The following FARS2 variants were observed in gnomAD, a reference collection of about 807,000 sequenced individuals.
FARS2 encodes phenylalanyl-tRNA synthetase 2, mitochondrial.
In FARS2, 40 loss-of-function variants were observed where a neutral mutation model predicts 46.4. The observed-to-expected ratio is 0.86, with a 90% CI of 0.67 to 1.12. The LOEUF (loss-of-function observed/expected upper bound fraction) is 1.12. Among genes scored for constraint, FARS2 ranks in the 50% most tolerant of loss-of-function variants. The pLI is 0.00. For missense variants in FARS2, 513 were observed against 567.9 expected (o/e 0.90, Z 0.98); for synonymous variants, 234 against 214.9 (o/e 1.09, Z -0.78).
intron 1 of FARS2, among the ~76,000 whole-genome samples, chr6:5,344,162 C>G (rs931175757): frequency 1.3e-5 from 2 of 152,170 alleles, no homozygotes; most frequent in Non-Finnish European, 2.9e-5. Flanking sequence ...AAGTCAGAAG[C>G]TGTGATTCAG....
chr6:5,470,290 T>C (rs181683949), intron 4 of FARS2, among the ~76,000 whole-genome samples: 141 of 152,346 alleles, frequency 9.3e-4, no homozygotes, highest in Middle Eastern at 3.4e-3. Context: ...CATGGTATTA[T>C]GTTTTATAAG....
chr6:5,574,342 T>C (rs979909508), intron 5 of FARS2, among the ~76,000 whole-genome samples: 5 of 152,028 alleles, frequency 3.3e-5, no homozygotes, highest in African/African-American at 1.2e-4. Flanking sequence ...GCCAGGATGG[T>C]CTCGATCTCC....
chr6:5,287,993 T>A (rs923446131), intron 1 of FARS2, among the ~76,000 whole-genome samples: 3 of 152,252 alleles, frequency 2.0e-5, no homozygotes, highest in Non-Finnish European at 1.5e-5. Context: ...TAATATTTTC[T>A]CTTTTCCTCT....
intron 6 of FARS2, among the ~76,000 whole-genome samples, chr6:5,627,633 A>G (rs1776099509): frequency 1.3e-5 from 2 of 152,232 alleles, no homozygotes; most frequent in Admixed American, 6.5e-5. Context: ...ACGTCTTTTC[A>G]TCACTGCACT....
At chr6:5,272,393 C>T (rs1478915406) in intron 1 of FARS2, 1 of 151,858 alleles carries the variant, frequency 6.6e-6, no homozygotes, top group Non-Finnish European at 1.5e-5. Context: ...TAATAATAAC[C>T]ACTATCTTAT....
chr6:5,564,955 T>C (rs1054974430), intron 5 of FARS2, among the ~76,000 whole-genome samples: 1 of 152,230 alleles, frequency 6.6e-6, no homozygotes, highest in Non-Finnish European at 1.5e-5. Flanking sequence ...CTGTCACGCT[T>C]GATTCCTTAA....
chr6:5,537,766 G>A (rs925867742), intron 4 of FARS2, among the ~76,000 whole-genome samples: 5 of 152,336 alleles, frequency 3.3e-5, no homozygotes, highest in African/African-American at 1.2e-4. Context: ...CGCCCTGTGG[G>A]ATTAGAATCT....
chr6:5,652,090 G>A (rs1284421922), intron 6 of FARS2, among the ~76,000 whole-genome samples: 2 of 152,196 alleles, frequency 1.3e-5, no homozygotes, highest in Non-Finnish European at 2.9e-5. Flanking sequence ...ACATCAGGAA[G>A]ATCCGGGAGG....
intron 6 of FARS2, among the ~76,000 whole-genome samples, chr6:5,699,482 G>A (rs1248827670): frequency 6.6e-6 from 1 of 152,046 alleles, no homozygotes; most frequent in Admixed American, 6.6e-5. Flanking sequence ...GCAGAATCAG[G>A]GTCTGGATCT....
intron 6 of FARS2, among the ~76,000 whole-genome samples, chr6:5,689,533 T>C (rs1757525014): frequency 6.6e-6 from 1 of 152,204 alleles, no homozygotes; most frequent in Non-Finnish European, 1.5e-5. Context: ...TAATCCTGAG[T>C]TCTAGTTTGA....
intron 4 of FARS2, among the ~76,000 whole-genome samples, chr6:5,465,057 T>C (rs527693112): frequency 3.3e-5 from 5 of 152,324 alleles, no homozygotes; most frequent in African/African-American, 1.2e-4. Context: ...TTTTGAAATT[T>C]ACTGAGTAGA....
In FARS2 at chr6:5,754,453, G is replaced by A. The variant is rs372988170; in HGVS notation, c.1218-16838G>A. 2.6e-4 allele frequency among the ~76,000 whole-genome samples: 39 copies of A among 152,300 alleles called. No individual in the cohort carries two copies. The East Asian group carries it at 5.2e-3, about 20-fold the overall frequency. On this transcript the variant is annotated intron_variant, in intron 6 of 6. Transcript: ENST00000274680. Reference sequence around the variant, plus strand: ...GGAAGACTGGGGCATCTGAAACCACGGCTTTAAAACAGTCTTGCCAGAGAG... The same window carrying A: ...GGAAGACTGGGGCATCTGAAACCACAGCTTTAAAACAGTCTTGCCAGAGAG...
chr6:5,604,448 C>G (rs2150645241), intron 5 of FARS2, among the ~76,000 whole-genome samples: 1 of 152,206 alleles, frequency 6.6e-6, no homozygotes, highest in South Asian at 2.1e-4. Flanking sequence ...CTCGCAGGTT[C>G]AACACCTGTG....
At chr6:5,469,355 C>T (rs987681839) in intron 4 of FARS2, among the ~76,000 whole-genome samples, 1 of 152,238 alleles carries the variant, frequency 6.6e-6, no homozygotes, top group Non-Finnish European at 1.5e-5. Context: ...GTGCGGAGCC[C>T]CGCCCCACAC....
At chr6:5,730,862 G>A (rs757023083) in intron 6 of FARS2, among the ~76,000 whole-genome samples, 92 of 152,256 alleles carry the variant, frequency 6.0e-4, no homozygotes, top group Middle Eastern at 3.4e-3. Context: ...GATTAACTCC[G>A]TTAATCCTTT....
intron 6 of FARS2, among the ~76,000 whole-genome samples, chr6:5,656,092 C>T (rs1444970553): frequency 3.3e-5 from 5 of 152,206 alleles, no homozygotes; most frequent in Admixed American, 2.0e-4. Context: ...AAACCAGTAT[C>T]GCCATTTTTC....
At chr6:5,611,527 C>T (rs1775184818) in intron 5 of FARS2, among the ~76,000 whole-genome samples, 1 of 152,194 alleles carries the variant, frequency 6.6e-6, no homozygotes, top group South Asian at 2.1e-4. Flanking sequence ...TTCAAAAAAA[C>T]AAAGGCCACT....
chr6:5,578,808 CAAAAAAAA>C (rs56248218), intron 5 of FARS2, among the ~76,000 whole-genome samples: 1 of 124,374 alleles, frequency 8.0e-6, no homozygotes, highest in Non-Finnish European at 1.6e-5. Context: ...CACTCCGTCT[CAAAAAAAA>C]AAAAAAAAAA....
rs143770340 is a variant in FARS2, at chr6:5,657,322, C to A, written c.1217+44002C>A. On this transcript the variant is annotated intron_variant, in intron 6 of 6. Transcript: ENST00000274680. ...AACGAGGGCCTGTGAGTTTAAATTT[C>A]TCTGGACAAACCCAGATGAAAGATG... 4.6e-5 allele frequency among the ~76,000 whole-genome samples: 7 copies of A among 152,330 alleles called. No individual in the cohort carries two copies. In the East Asian group the frequency reaches 1.4e-3, roughly 29 times the overall value.
Sources: gnomAD v4.1 joint callset for allele counts (sites outside exome capture counted in the v4.1 genomes callset) on GRCh38, gnomAD v4.1.1 for gene constraint, MANE v1.5 for transcripts, NCBI Gene and HGNC (gene_info 2026-07-23, HGNC 2026-07-21) for gene names.